The following ZNF385D variants were observed in gnomAD, a reference collection of about 807,000 sequenced individuals.
The protein encoded by ZNF385D is zinc finger protein 385D.
ZNF385D carries 15 observed loss-of-function variants against 35.8 expected under a neutral mutation model. The observed-to-expected ratio is 0.42, with a 90% CI of 0.28 to 0.64. The LOEUF (loss-of-function observed/expected upper bound fraction) is 0.64, where lower values mean the gene tolerates loss of function less well. Ranked by LOEUF, ZNF385D falls within the 30% of genes least tolerant of loss-of-function variation. The pLI, the probability that ZNF385D is intolerant of heterozygous loss-of-function variation, is 0.23. For synonymous variants in ZNF385D, 212 were observed against 186.8 expected, an observed-to-expected ratio of 1.13 and a Z score of -1.10; for missense variants, 474 against 494.6, an observed-to-expected ratio of 0.96 and a Z score of 0.39.
At chr3:21,797,141 C>T (rs1304266991) in intron 3 of ZNF385D, among the ~76,000 whole-genome samples, 2 of 152,190 alleles carry the variant, frequency 1.3e-5, no homozygotes, top group Non-Finnish European at 2.9e-5. Context: ...TCAAGCTCAA[C>T]AATTAGAGAA....
At position 22,018,818 on chromosome 3, in the gene ZNF385D, T is replaced by C. The variant is rs577053608; in HGVS notation, c.325+149999A>G. ...GTCATTTCACCTGTGCTTTAGCAGA[T>C]TGATCCAGCTATTTCACAGAAATGG... On this transcript the variant is annotated intron_variant, in intron 3 of 5. Coordinates refer to the ZNF385D transcript ENST00000494108. 4.2e-4 allele frequency among the ~76,000 whole-genome samples: 64 copies of C among 152,046 alleles called. 1 individual carries two copies. Among genetic ancestry groups the C allele is most frequent in the East Asian group, 1.5e-3 (8 of 5,172 alleles).
chr3:21,884,997 G>A (rs928313500), intron 3 of ZNF385D, among the ~76,000 whole-genome samples: 28 of 152,038 alleles, frequency 1.8e-4, no homozygotes, highest in African/African-American at 6.7e-4. Context: ...GAGCAACAAT[G>A]GCAGAATGCA....
chr3:22,159,072 G>T (rs1214462330), intron 3 of ZNF385D, among the ~76,000 whole-genome samples: 1 of 151,906 alleles, frequency 6.6e-6, no homozygotes, highest in Non-Finnish European at 1.5e-5. Flanking sequence ...GTAACTGAAA[G>T]AGGTAAAAGA....
intron 3 of ZNF385D, among the ~76,000 whole-genome samples, chr3:21,950,854 G>A (rs1226958665): frequency 1.3e-5 from 2 of 151,674 alleles, no homozygotes; most frequent in African/African-American, 2.4e-5. Flanking sequence ...TCCAATGGTT[G>A]TAGATTTGTG....
chr3:21,560,867 A>T (rs575040583), intron 3 of ZNF385D, among the ~76,000 whole-genome samples: 1 of 152,014 alleles, frequency 6.6e-6, no homozygotes, highest in Non-Finnish European at 1.5e-5. Flanking sequence ...ATCTAGAGAG[A>T]CAGTCTGGCC....
At chr3:22,288,950 C>T (rs535050856) in intron 2 of ZNF385D, among the ~76,000 whole-genome samples, 7 of 152,162 alleles carry the variant, frequency 4.6e-5, no homozygotes, top group South Asian at 4.2e-4. Context: ...TTTTTAGCGG[C>T]CATCTGGAGA....
intron 3 of ZNF385D, among the ~76,000 whole-genome samples, chr3:22,159,305 T>C (rs1705796167): frequency 6.6e-6 from 1 of 152,122 alleles, no homozygotes. Context: ...CTAAACGTTA[T>C]AAATTTAATT....
intron 3 of ZNF385D, among the ~76,000 whole-genome samples, chr3:22,140,963 G>A (rs1432749585): frequency 1.3e-5 from 2 of 152,146 alleles, no homozygotes; most frequent in Non-Finnish European, 2.9e-5. Context: ...AAGGTACACT[G>A]AAGCTCAAAC....
chr3:21,545,017 T>G (rs908761244), intron 3 of ZNF385D, among the ~76,000 whole-genome samples: 1 of 152,220 alleles, frequency 6.6e-6, no homozygotes, highest in Non-Finnish European at 1.5e-5. Context: ...TGAATAATGC[T>G]AACATATGTT....
intron 1 of ZNF385D, among the ~76,000 whole-genome samples, chr3:21,750,586 TTTC>T (rs1397462002): frequency 1.3e-5 from 2 of 152,204 alleles, no homozygotes; most frequent in Non-Finnish European, 2.9e-5. Context: ...CGCTGCACTA[TTTC>T]TCCTTCACCT....
rs368418505 is a variant in ZNF385D at position 21,692,704 on chromosome 3, G to A, written c.23-27676C>T. ...TCCCAAAGAGTGCATGTCTTCATTC[G>A]TCTTCCTATATTCTCCTTAGAAGGT... On this transcript the variant is annotated intron_variant, in intron 1 of 7. Coordinates refer to ENST00000281523, the MANE Select transcript of ZNF385D (RefSeq NM_024697.3). Among the ~76,000 whole-genome samples the A allele has an allele frequency of 1.9e-3, 296 of 152,224 alleles. 2 individuals are homozygous for A. The highest frequency in any genetic ancestry group is 6.7e-3 in the African/African-American group (279 of 41,516).
chr3:21,918,228 C>G (rs1700288127), intron 3 of ZNF385D, among the ~76,000 whole-genome samples: 1 of 152,142 alleles, frequency 6.6e-6, no homozygotes, highest in Admixed American at 6.5e-5. Context: ...ATGGTCTATG[C>G]TCAGACAGTG....
At chr3:22,042,497 T>A (rs75091217) in intron 3 of ZNF385D, among the ~76,000 whole-genome samples, 2 of 152,166 alleles carry the variant, frequency 1.3e-5, no homozygotes, top group East Asian at 3.8e-4. Flanking sequence ...AAGGTATCGT[T>A]CTGCAGTAGA....
At chr3:21,636,760 AC>A (rs1438038744) in intron 2 of ZNF385D, among the ~76,000 whole-genome samples, 1 of 151,834 alleles carries the variant, frequency 6.6e-6, no homozygotes, top group Non-Finnish European at 1.5e-5. Context: ...TCAGTACTTT[AC>A]ATCTTTCAAT....
At chr3:22,292,656 A>C (rs1264760936) in intron 2 of ZNF385D, among the ~76,000 whole-genome samples, 2 of 152,158 alleles carry the variant, frequency 1.3e-5, no homozygotes, top group Non-Finnish European at 2.9e-5. Flanking sequence ...AAGGGAAGGA[A>C]TCAGATACAA....
intron 2 of ZNF385D, among the ~76,000 whole-genome samples, chr3:22,307,554 C>T (rs775686029): frequency 6.6e-6 from 1 of 152,070 alleles, no homozygotes; most frequent in Non-Finnish European, 1.5e-5. Flanking sequence ...TCTCCAACCA[C>T]ATCCATGTAA....
intron 3 of ZNF385D, among the ~76,000 whole-genome samples, chr3:21,769,058 G>A (rs571254916): frequency 3.9e-5 from 6 of 152,082 alleles, no homozygotes; most frequent in African/African-American, 1.4e-4. Flanking sequence ...CTAATTTATT[G>A]AGAGTTTTTA....
intron 2 of ZNF385D, among the ~76,000 whole-genome samples, chr3:22,292,308 G>T (rs977695385): frequency 6.6e-6 from 1 of 151,910 alleles, no homozygotes; most frequent in South Asian, 2.1e-4. Context: ...AAAACATGCT[G>T]TATATTTACT....
chr3:22,338,416 A>T (rs1349856985), intron 2 of ZNF385D, among the ~76,000 whole-genome samples: 1 of 152,190 alleles, frequency 6.6e-6, no homozygotes, highest in Non-Finnish European at 1.5e-5. Context: ...CAGTTTAGTA[A>T]TTGAAGACCT....
Sources: gnomAD v4.1 joint callset for allele counts (sites outside exome capture counted in the v4.1 genomes callset) on GRCh38, gnomAD v4.1.1 for gene constraint, MANE v1.5 for transcripts, NCBI Gene and HGNC (gene_info 2026-07-23, HGNC 2026-07-21) for gene names.